The following EIF4E2 variants were observed in gnomAD, a reference collection of about 807,000 sequenced individuals.
EIF4E2 encodes the protein eukaryotic translation initiation factor 4E family member 2.
In EIF4E2, 13 loss-of-function variants were observed where a neutral mutation model predicts 34.2. The observed-to-expected ratio is 0.38, with a 90% confidence interval of 0.25 to 0.60. EIF4E2 has a LOEUF of 0.60. Ranked by LOEUF, EIF4E2 falls within the 20% of genes least tolerant of loss-of-function variation. EIF4E2 has a pLI of 0.62. For synonymous variants in EIF4E2, 100 were observed against 106.6 expected, an observed-to-expected ratio of 0.94 and a Z score of 0.38; for missense variants, 222 against 315.1, an observed-to-expected ratio of 0.70 and a Z score of 2.24.
Position 232,566,683 on chromosome 2 carries a change from C to T in EIF4E2, c.376-146C>T. Reference sequence around the variant, plus strand: ...TTCCCCATTTCTTCTCTCCCTAGTCCTACCATCAGTTTTTCTATAGAGTTG... The same window carrying T: ...TTCCCCATTTCTTCTCTCCCTAGTCTTACCATCAGTTTTTCTATAGAGTTG... On this transcript the variant is annotated intron_variant, in intron 4 of 6. Transcript: ENST00000258416. This position sits in a 1 kb window ranked among gnomAD's most constrained non-coding sequence, Gnocchi z 4.9. 2.2e-6 allele frequency: 2 copies of T among 900,938 alleles called. No individual in the cohort carries two copies. Among genetic ancestry groups the T allele is most frequent in the Non-Finnish European group, 3.3e-6 (2 of 608,942 alleles). 55.8% of individuals were successfully genotyped at this position (900,938 alleles called of 1,614,324 possible). A position where few individuals can be genotyped will look rare whatever the true frequency, so the allele number is the denominator to read the frequency against.
At chr2:232,569,721 C>T (rs1693046527), downstream of EIF4E2, 1 of 152,356 alleles carries the variant, frequency 6.6e-6, no homozygotes, top group African/African-American at 2.4e-5. Context: ...CCAGCCTTCT[C>T]CCTTCTGCTT....
intron 6 of EIF4E2, among the ~76,000 whole-genome samples, chr2:232,578,532 G>A (rs1477313456): frequency 1.3e-5 from 2 of 151,926 alleles, no homozygotes; most frequent in Non-Finnish European, 2.9e-5. Context: ...TTGGGAGGCT[G>A]AGGCAGGAGA....
intron 6 of EIF4E2, chr2:232,568,262 A>G (rs938523499): frequency 3.0e-6 from 3 of 985,392 alleles, no homozygotes; most frequent in Non-Finnish European, 3.6e-6. Context: ...TTTCCCATGC[A>G]TTCATAGATA....
chr2:232,582,801 TTTGTTGTTG>T (rs146031466), exon 7 of EIF4E2: 1 of 151,952 alleles, frequency 6.6e-6, no homozygotes, highest in African/African-American at 2.4e-5. Flanking sequence ...TGTCCATAGT[TTTGTTGTTG>T]TTGTTGTTGT....
intron 1 of EIF4E2, among the ~76,000 whole-genome samples, chr2:232,551,713 T>C (rs1413039138): frequency 6.6e-6 from 1 of 152,218 alleles, no homozygotes; most frequent in Admixed American, 6.5e-5. Context: ...TGCTAACTAT[T>C]GCGATATAAA....
exon 7 of EIF4E2, chr2:232,583,125 C>G (rs145318211): frequency 6.6e-6 from 1 of 152,156 alleles, no homozygotes; most frequent in African/African-American, 2.4e-5. Flanking sequence ...AGATGTGGCA[C>G]GGTTATGATT....
intron 1 of EIF4E2, among the ~76,000 whole-genome samples, chr2:232,554,812 G>C (rs1692466728): frequency 6.6e-6 from 1 of 152,046 alleles, no homozygotes; most frequent in Admixed American, 6.5e-5. Flanking sequence ...TTCTTGCATG[G>C]GGCCCATATG....
At chr2:232,574,347 G>A in intron 6 of EIF4E2, 1 of 1,550,464 alleles carries the variant, frequency 6.4e-7, no homozygotes, top group Non-Finnish European at 8.7e-7. Context: ...TCAGGGTAGG[G>A]CCTTGTCTAT....
Position 232,566,263 on chromosome 2 carries a change from TGCA to T in EIF4E2, c.376-565_376-563del, listed in dbSNP as rs1414076802. Among the ~76,000 whole-genome samples, 25 of 151,852 alleles carry T rather than the reference TGCA, an allele frequency of 1.6e-4. No individual in the cohort carries two copies. Among genetic ancestry groups the T allele is most frequent in the African/African-American group, 5.5e-4 (23 of 41,502 alleles). On this transcript the variant is annotated intron_variant, in intron 4 of 6. Transcript: ENST00000258416. The surrounding 1 kb of genome is among the most constrained non-coding windows in gnomAD (Gnocchi z 4.9). ...GTGCAGTGGCACGATCTCGGCTCCC[TGCA>T]AGCTCTGCCTCCCGAGTTCACGCCA...
chr2:232,573,759 A>ATC, downstream of EIF4E2: 1 of 282,456 alleles, frequency 3.5e-6, no homozygotes, highest in Non-Finnish European at 7.0e-6. Context: ...AGAAGGTCGG[A>ATC]AATATGAAAA....
Position 232,567,168 on chromosome 2 carries a change from C to T in EIF4E2, c.619C>T (p.Pro207Ser). Reference protein sequence around the residue: ...RDTLRRVLNLPPNTIMEYKTH... With the variant: ...RDTLRRVLNLSPNTIMEYKTH... ...CACACTTCGGCGAGTGCTTAACCTA[C>T]CTCCCAACACCATTATGGAATACAA... is the stretch of plus-strand genomic sequence containing the variant. Residue 207 changes from proline to serine, a missense_variant, in exon 6 of 7, where the codon CCT (proline) becomes TCT (serine). By Grantham distance (74) the Pro-to-Ser change is moderately conservative (BLOSUM62 -1). Around this residue, in one of 3 missense-constraint regions of EIF4E2, gnomAD observed 105 missense variants for 195.1 expected, o/e 0.54. Coordinates refer to ENST00000258416, the MANE Select transcript of EIF4E2 (RefSeq NM_004846.4). 6.2e-7 allele frequency: 1 copy of T among 1,614,194 alleles called. No individual in the cohort carries two copies. The highest frequency in any genetic ancestry group is 8.5e-7 in the Non-Finnish European group (1 of 1,180,042).
chr2:232,577,185 T>C (rs1693244749), intron 6 of EIF4E2, among the ~76,000 whole-genome samples: 1 of 152,182 alleles, frequency 6.6e-6, no homozygotes, highest in South Asian at 2.1e-4. Flanking sequence ...TCACTGAAAC[T>C]AGAAAGAGTT....
At chr2:232,571,834 A>G (rs2106252973), downstream of EIF4E2, among the ~76,000 whole-genome samples, 1 of 152,314 alleles carries the variant, frequency 6.6e-6, no homozygotes, top group South Asian at 2.1e-4. Flanking sequence ...TGCATCTGTG[A>G]TATGTACCAC....
At chr2:232,567,894 G>A (rs878988458) in intron 6 of EIF4E2, 1 of 985,432 alleles carries the variant, frequency 1.0e-6, no homozygotes. Context: ...TGTGGGGAGT[G>A]GCTGTCAGAT....
At chr2:232,550,971 C>G in intron 1 of EIF4E2, 1 of 618,466 alleles carries the variant, frequency 1.6e-6, no homozygotes, top group East Asian at 2.8e-5. Flanking sequence ...AGAGCTGGGC[C>G]CGGGGGAGGG....
downstream of EIF4E2, among the ~76,000 whole-genome samples, chr2:232,571,578 G>A (rs1693092086): frequency 6.6e-6 from 1 of 152,208 alleles, no homozygotes; most frequent in Non-Finnish European, 1.5e-5. Flanking sequence ...AATTCCCATA[G>A]TGGGCTACAG....
exon 7 of EIF4E2, chr2:232,580,921 G>A (rs1372725553): frequency 4.5e-6 from 7 of 1,549,644 alleles, no homozygotes; most frequent in African/African-American, 1.4e-5. Context: ...TCAAGCTTTC[G>A]AAATACAAAA....
intron 6 of EIF4E2, chr2:232,574,238 G>T (rs924460316): frequency 6.5e-7 from 1 of 1,549,438 alleles, no homozygotes; most frequent in East Asian, 2.4e-5. Flanking sequence ...ATGTGCTATT[G>T]TGTTTTTTGT....
At chr2:232,573,968 A>G, downstream of EIF4E2, 4 of 592,924 alleles carry the variant, frequency 6.7e-6, no homozygotes, top group South Asian at 6.7e-5. Context: ...CTCTGACCTT[A>G]CTGGCCTCCC....
Sources: allele counts gnomAD v4.1 joint callset (sites outside exome capture counted in the v4.1 genomes callset), GRCh38; gene constraint gnomAD v4.1.1; regional missense constraint gnomAD v4.1.1; non-coding constraint Gnocchi (gnomAD v3.1); transcripts MANE v1.5; gene names NCBI Gene and HGNC (gene_info 2026-07-23, HGNC 2026-07-21).